Variants in ARL15 observed in about 807,000 individuals in gnomAD.
ARL15 encodes the protein ADP-ribosylation factor-like protein 15.
ARL15 carries 19 observed loss-of-function variants against 25.2 expected under a neutral mutation model. The ratio of observed to expected loss-of-function variants is 0.75; its 90% CI spans 0.53 to 1.10. The LOEUF is 1.10. ARL15 is among the 50% of genes least tolerant of loss of function. ARL15 has a pLI of 0.00. For missense variants in ARL15, 220 were observed against 246.0 expected (o/e 0.89, Z 0.71); for synonymous variants, 94 against 86.8 (o/e 1.08, Z -0.46).
chr5:54,185,998 G>A (rs1445517678), intron 1 of ARL15, among the ~76,000 whole-genome samples: 1 of 152,054 alleles, frequency 6.6e-6, no homozygotes, highest in Non-Finnish European at 1.5e-5. Flanking sequence ...TTAAAAGCTC[G>A]TAGTATGACA....
chr5:54,031,545 A>T (rs1447079118), intron 4 of ARL15, among the ~76,000 whole-genome samples: 1 of 152,220 alleles, frequency 6.6e-6, no homozygotes, highest in Non-Finnish European at 1.5e-5. Flanking sequence ...GAGGCAACAG[A>T]CCATGCGACC....
chr5:54,104,502 A>C (rs1006978898), intron 4 of ARL15, among the ~76,000 whole-genome samples: 3 of 152,176 alleles, frequency 2.0e-5, no homozygotes, highest in African/African-American at 7.2e-5. Context: ...CTAAAGAATA[A>C]TCTAAAGACT....
chr5:53,951,642 C>T lies in ARL15; in HGVS notation c.463-64929G>A, dbSNP rs1248090879. On this transcript the variant is annotated intron_variant, in intron 4 of 4. Coordinates refer to ENST00000504924, the MANE Select transcript of ARL15 (RefSeq NM_019087.3). ...TTACTCCTTCCCTATATACTCCTTC[C>T]CTATATATTTTCGATATGATGACCA... 4 of 418,194 alleles carry T rather than the reference C, an allele frequency of 9.6e-6. No homozygotes were observed. In the East Asian group the frequency reaches 3.4e-4, roughly 35 times the overall value. The allele number at this position is 418,194 out of a possible 1,614,324, so 25.9% of individuals were successfully genotyped here. A position where few individuals can be genotyped will look rare whatever the true frequency, so the allele number is the denominator to read the frequency against.
Position 54,140,488 on chromosome 5 carries a change from T to A in ARL15, c.253+14092A>T, listed in dbSNP as rs1051755483. 2.0e-5 allele frequency among the ~76,000 whole-genome samples: 3 copies of A among 148,198 alleles called. No individual in the cohort carries two copies. In the Admixed American group the frequency reaches 2.0e-4, roughly 10 times the overall value. The stretch of plus-strand genomic sequence containing the variant: ...GATAGAGATAGAGATAGAGATATGC[T>A]TACACAGCCCACATTTAAAATCTAC... On this transcript the variant is annotated intron_variant, in intron 3 of 4. Transcript: ENST00000504924.
chr5:53,946,899 T>G (rs1746753759), intron 4 of ARL15, among the ~76,000 whole-genome samples: 1 of 152,116 alleles, frequency 6.6e-6, no homozygotes, highest in Non-Finnish European at 1.5e-5. Context: ...GGGAAATGAG[T>G]CATAATCAAG....
At chr5:54,271,684 C>T (rs79713955) in intron 1 of ARL15, among the ~76,000 whole-genome samples, 2,538 of 152,264 alleles carry the variant, frequency 0.017, 86 homozygotes, top group African/African-American at 0.057. Context: ...GTACTTACTA[C>T]GTGCCAGAAC....
intron 4 of ARL15, among the ~76,000 whole-genome samples, chr5:53,950,262 C>T (rs1167669456): frequency 1.4e-5 from 2 of 140,856 alleles, no homozygotes; most frequent in Non-Finnish European, 3.1e-5. Context: ...AACCTCGTTT[C>T]TACAAAAATT....
chr5:54,265,475 C>A (rs531579760), intron 1 of ARL15, among the ~76,000 whole-genome samples: 1 of 152,222 alleles, frequency 6.6e-6, no homozygotes, highest in South Asian at 2.1e-4. Context: ...AAAATTCTGC[C>A]AGAGATAAGG....
chr5:53,974,373 A>T (rs991192244), intron 4 of ARL15, among the ~76,000 whole-genome samples: 7 of 152,168 alleles, frequency 4.6e-5, no homozygotes, highest in African/African-American at 1.7e-4. Context: ...CCTCCTCAAT[A>T]ATCTGCCCTT....
intron 1 of ARL15, among the ~76,000 whole-genome samples, chr5:54,192,608 T>C (rs1755437458): frequency 7.3e-6 from 1 of 136,636 alleles, no homozygotes; most frequent in African/African-American, 2.8e-5. Flanking sequence ...TCCTGTGTTT[T>C]GTCTTCCTCT....
At chr5:54,100,913 T>C (rs1179220422) in intron 4 of ARL15, among the ~76,000 whole-genome samples, 1 of 152,100 alleles carries the variant, frequency 6.6e-6, no homozygotes, top group Admixed American at 6.6e-5. Context: ...TATACCTTTT[T>C]GTAAAATTGT....
At chr5:54,175,226 T>C (rs1754832397) in intron 1 of ARL15, among the ~76,000 whole-genome samples, 1 of 152,212 alleles carries the variant, frequency 6.6e-6, no homozygotes, top group African/African-American at 2.4e-5. Context: ...TCCATTAATA[T>C]CTATTTTACC....
intron 4 of ARL15, among the ~76,000 whole-genome samples, chr5:53,893,151 C>A (rs948391557): frequency 2.6e-5 from 4 of 151,998 alleles, no homozygotes; most frequent in Admixed American, 2.6e-4. Flanking sequence ...TATGGTGGGG[C>A]CCGCTGACAT....
At chr5:54,284,895 T>C (rs1758148803) in intron 1 of ARL15, among the ~76,000 whole-genome samples, 1 of 152,190 alleles carries the variant, frequency 6.6e-6, no homozygotes, top group South Asian at 2.1e-4. Flanking sequence ...ATACATATAT[T>C]TAAAAACATA....
intron 1 of ARL15, among the ~76,000 whole-genome samples, chr5:54,219,889 T>A (rs1756320980): frequency 6.6e-6 from 1 of 152,148 alleles, no homozygotes; most frequent in South Asian, 2.1e-4. Context: ...AAGGACAAAA[T>A]GTGTCCTTCC....
chr5:54,051,615 A>G (rs1190407271), intron 4 of ARL15, among the ~76,000 whole-genome samples: 2 of 152,216 alleles, frequency 1.3e-5, no homozygotes, highest in Non-Finnish European at 2.9e-5. Flanking sequence ...ATTTAGACAA[A>G]GAATACCACT....
At chr5:54,253,765 A>G (rs552392159) in intron 1 of ARL15, among the ~76,000 whole-genome samples, 2 of 151,912 alleles carry the variant, frequency 1.3e-5, no homozygotes, top group South Asian at 4.2e-4. Flanking sequence ...TAATTTTCCC[A>G]TTTTTTGAAG....
intron 4 of ARL15, among the ~76,000 whole-genome samples, chr5:53,974,868 C>T (rs1747877809): frequency 6.6e-6 from 1 of 152,160 alleles, no homozygotes; most frequent in Non-Finnish European, 1.5e-5. Flanking sequence ...GAAAACTGAT[C>T]TTCTGGCTTC....
At chr5:54,034,898 G>A (rs772629613) in intron 4 of ARL15, among the ~76,000 whole-genome samples, 1 of 151,606 alleles carries the variant, frequency 6.6e-6, no homozygotes, top group Non-Finnish European at 1.5e-5. Flanking sequence ...TGAACTCCTG[G>A]CCTCAAGCAA....
Sources: allele counts gnomAD v4.1 joint callset (sites outside exome capture counted in the v4.1 genomes callset), GRCh38; gene constraint gnomAD v4.1.1; transcripts MANE v1.5; gene names NCBI Gene and HGNC (gene_info 2026-07-23, HGNC 2026-07-21).